The following PCSK6 variants were observed in gnomAD, a reference collection of about 807,000 sequenced individuals.
PCSK6 encodes paired basic amino acid cleaving enzyme 4.
In PCSK6, 85 loss-of-function variants were observed where a neutral mutation model predicts 123.3. The ratio of observed to expected loss-of-function variants is 0.69; its 90% CI spans 0.58 to 0.83. PCSK6 has a LOEUF of 0.83. Among genes scored for constraint, PCSK6 ranks in the 40% least tolerant of loss-of-function variants. The pLI is 0.00. For synonymous variants in PCSK6, 508 were observed against 516.0 expected (o/e 0.98, Z 0.21); for missense variants, 1,191 against 1,282.3 (o/e 0.93, Z 1.09).
intron 1 of PCSK6, among the ~76,000 whole-genome samples, chr15:101,466,296 G>A (rs772984651): frequency 2.0e-5 from 3 of 152,094 alleles, no homozygotes; most frequent in East Asian, 3.8e-4. Context: ...GTCATTAGCC[G>A]TAAGGGAAAT....
intron 2 of PCSK6, among the ~76,000 whole-genome samples, chr15:101,441,521 G>C (rs905153174): frequency 2.6e-5 from 4 of 151,990 alleles, no homozygotes; most frequent in Non-Finnish European, 5.9e-5. Flanking sequence ...AATATTTTTG[G>C]AAGGAAGGGA....
chr15:101,466,558 A>G (rs544899989), intron 1 of PCSK6, among the ~76,000 whole-genome samples: 1 of 152,350 alleles, frequency 6.6e-6, no homozygotes, highest in South Asian at 2.1e-4. Context: ...TATCCACAGC[A>G]GCGTTATTCA....
chr15:101,434,885 C>T (rs1022681721), intron 2 of PCSK6, among the ~76,000 whole-genome samples: 3 of 152,124 alleles, frequency 2.0e-5, no homozygotes, highest in African/African-American at 4.8e-5. Flanking sequence ...TCCCGGATCC[C>T]ACCTCCTACC....
chr15:101,469,155 T>C (rs905655693), intron 1 of PCSK6, among the ~76,000 whole-genome samples: 1 of 152,132 alleles, frequency 6.6e-6, no homozygotes, highest in Non-Finnish European at 1.5e-5. Flanking sequence ...GAAAAAACAC[T>C]CCCACCTTTG....
At chr15:101,372,655 G>GA (rs1284483204) in intron 11 of PCSK6, among the ~76,000 whole-genome samples, 1 of 152,134 alleles carries the variant, frequency 6.6e-6, no homozygotes, top group African/African-American at 2.4e-5. Context: ...AAGAATGTAA[G>GA]GTGGGTACGT....
intron 13 of PCSK6, chr15:101,347,642 C>T: frequency 6.4e-7 from 1 of 1,572,558 alleles, no homozygotes; most frequent in Non-Finnish European, 8.7e-7. Flanking sequence ...CTGAGAGATC[C>T]AGCTCTGGAC....
intron 1 of PCSK6, among the ~76,000 whole-genome samples, chr15:101,462,759 CTAGAT>C (rs1269839295): frequency 6.6e-6 from 1 of 152,222 alleles, no homozygotes; most frequent in Admixed American, 6.5e-5. Context: ...CCAATTTGAG[CTAGAT>C]TAAATACTTA....
intron 6 of PCSK6, among the ~76,000 whole-genome samples, chr15:101,403,468 A>G (rs2042670890): frequency 1.3e-5 from 2 of 152,254 alleles, no homozygotes; most frequent in South Asian, 4.2e-4. Flanking sequence ...GGTAGTAACA[A>G]TAACTGATTG....
intron 13 of PCSK6, among the ~76,000 whole-genome samples, chr15:101,353,575 C>G (rs1171903298): frequency 6.6e-6 from 1 of 152,190 alleles, no homozygotes; most frequent in East Asian, 1.9e-4. Context: ...CCTCAACACC[C>G]CGACCCTGGC....
Position 101,384,303 on chromosome 15 carries a change from C to G in PCSK6, c.1414+19G>C. On this transcript the variant is annotated intron_variant, in intron 10 of 21. Coordinates refer to ENST00000611716, the MANE Select transcript of PCSK6 (RefSeq NM_002570.5). ...ATTCCAGGGCCACCCAATGGTCCACCAGAACGCCACTGCCGCACCTTTATG... is the reference window on the plus strand; with the variant it reads ...ATTCCAGGGCCACCCAATGGTCCACGAGAACGCCACTGCCGCACCTTTATG... The G allele has an allele frequency of 1.2e-6, 2 of 1,612,086 alleles. No homozygotes were observed. Among genetic ancestry groups the G allele is most frequent in the Non-Finnish European group, 1.7e-6 (2 of 1,178,550 alleles).
chr15:101,307,710 G>C lies in PCSK6; in HGVS notation c.2700-385C>G, dbSNP rs77145369. ...CTCTCTCCAGCGGCTGCCGGGCTGC[G>C]ATGGCTGTAGGCTTGGGGTCCAGGC... On this transcript the variant is annotated intron_variant, in intron 20 of 21. Coordinates refer to ENST00000611716, the MANE Select transcript of PCSK6 (RefSeq NM_002570.5). The C allele has an allele frequency of 7.2e-3, 1,532 of 212,276 alleles. 52 individuals are homozygous for C. The East Asian group carries it at 0.095, about 13-fold the overall frequency. 13.1% of individuals were successfully genotyped at this position (212,276 alleles called of 1,614,324 possible). A position where few individuals can be genotyped will look rare whatever the true frequency, so the allele number is the denominator to read the frequency against.
At position 101,312,218 on chromosome 15, in the gene PCSK6, A is replaced by G. The variant is rs73487291; in HGVS notation, c.2699+1158T>C. 889 of 113,542 alleles carry G rather than the reference A, an allele frequency of 7.8e-3. 85 individuals carry two copies. Among genetic ancestry groups the G allele is most frequent in the South Asian group, 0.02 (72 of 3,592 alleles). 7.0% of individuals were successfully genotyped at this position (113,542 alleles called of 1,614,324 possible). Reference sequence around the variant, plus strand: ...CTCACAGGTCCCTTCAAACTCCTCAATGTTGCTCCCACCCTGAATAAGACA... The same window carrying G: ...CTCACAGGTCCCTTCAAACTCCTCAGTGTTGCTCCCACCCTGAATAAGACA... On this transcript the variant is annotated intron_variant, in intron 20 of 21. Coordinates refer to ENST00000611716, the MANE Select transcript of PCSK6 (RefSeq NM_002570.5).
chr15:101,371,993 G>A (rs2041600785), intron 11 of PCSK6, among the ~76,000 whole-genome samples: 6 of 152,224 alleles, frequency 3.9e-5, no homozygotes, highest in Admixed American at 3.3e-4. Context: ...ACTCCTTCCT[G>A]CTAGAATTTT....
At chr15:101,408,717 A>T (rs1270868794) in intron 6 of PCSK6, among the ~76,000 whole-genome samples, 1 of 152,220 alleles carries the variant, frequency 6.6e-6, no homozygotes, top group Non-Finnish European at 1.5e-5. Context: ...ATGCGCTGGG[A>T]ACCTTTGAAG....
chr15:101,371,924 G>C (rs2041599389), intron 11 of PCSK6, among the ~76,000 whole-genome samples: 1 of 152,094 alleles, frequency 6.6e-6, no homozygotes, highest in African/African-American at 2.4e-5. Context: ...ACAAACTCAG[G>C]GCAGCTTTAC....
intron 11 of PCSK6, among the ~76,000 whole-genome samples, chr15:101,377,975 C>T (rs995978519): frequency 1.3e-5 from 2 of 152,178 alleles, no homozygotes; most frequent in African/African-American, 4.8e-5. Flanking sequence ...GTGAGTGTCC[C>T]CAGCACTGAG....
At chr15:101,460,758 C>T (rs1019776648) in intron 1 of PCSK6, among the ~76,000 whole-genome samples, 1 of 152,166 alleles carries the variant, frequency 6.6e-6, no homozygotes, top group African/African-American at 2.4e-5. Context: ...CTAAACATGT[C>T]ACACATTTGG....
intron 15 of PCSK6, among the ~76,000 whole-genome samples, chr15:101,328,318 G>A (rs1043107718): frequency 1.3e-5 from 2 of 152,198 alleles, no homozygotes; most frequent in South Asian, 2.1e-4. Flanking sequence ...GCAGGAGTGC[G>A]ACAGGGAGGC....
chr15:101,374,073 C>T (rs1010330493), intron 11 of PCSK6, among the ~76,000 whole-genome samples: 15 of 152,336 alleles, frequency 9.8e-5, no homozygotes, highest in South Asian at 2.1e-4. Flanking sequence ...GCCAGGGAGA[C>T]GGCCAGACTT....
Sources: allele counts gnomAD v4.1 joint callset (sites outside exome capture counted in the v4.1 genomes callset), GRCh38; gene constraint gnomAD v4.1.1; transcripts MANE v1.5; gene names NCBI Gene and HGNC (gene_info 2026-07-23, HGNC 2026-07-21).